Variants in TENM3 observed in about 807,000 individuals in gnomAD.
The protein encoded by TENM3 is teneurin transmembrane protein 3.
In TENM3, 63 loss-of-function variants were observed where a neutral mutation model predicts 255.1. That is an observed-to-expected ratio of 0.25 (90% CI 0.20 to 0.30). TENM3 has a LOEUF of 0.30. Ranked by LOEUF, TENM3 falls within the 10% of genes least tolerant of loss-of-function variation. The probability of loss-of-function intolerance (pLI) is 1.00; values close to 1 mark genes in which losing one functional copy is unlikely to be tolerated. For synonymous variants in TENM3, 1,306 were observed against 1,322.3 expected, an observed-to-expected ratio of 0.99 and a Z score of 0.27; for missense variants, 2,929 against 3,461.1, an observed-to-expected ratio of 0.85 and a Z score of 3.86.
intron 24 of TENM3, among the ~76,000 whole-genome samples, chr4:182,779,659 G>C (rs1418114299): frequency 6.6e-6 from 1 of 152,008 alleles, no homozygotes; most frequent in Non-Finnish European, 1.5e-5. Context: ...GGTTGAACTA[G>C]TTTACAGTCC....
At chr4:181,479,528 C>T in the TENM3 span, among the ~76,000 whole-genome samples, 891 of 152,214 alleles carry the variant, frequency 5.9e-3, 6 homozygotes, top group Middle Eastern at 0.01. Context: ...GCCCTCCTGT[C>T]TTCCTTTCTC....
At chr4:182,678,217 T>G (rs1044636411) in intron 7 of TENM3, among the ~76,000 whole-genome samples, 3 of 152,156 alleles carry the variant, frequency 2.0e-5, no homozygotes, top group Non-Finnish European at 2.9e-5. Flanking sequence ...TTCCCTGTAT[T>G]ATTTCTAGTT....
the TENM3 span, among the ~76,000 whole-genome samples, chr4:181,837,423 C>T: frequency 6.6e-6 from 1 of 151,922 alleles, no homozygotes; most frequent in South Asian, 2.1e-4. Flanking sequence ...GCTTTTTTCA[C>T]ATTTATTAAG....
chr4:181,624,874 C>T, the TENM3 span, among the ~76,000 whole-genome samples: 1 of 152,166 alleles, frequency 6.6e-6, no homozygotes, highest in Admixed American at 6.5e-5. Flanking sequence ...TGGGCTCACT[C>T]ACCTCTCTGG....
chr4:181,751,081 C>T, the TENM3 span, among the ~76,000 whole-genome samples: 31 of 152,290 alleles, frequency 2.0e-4, no homozygotes, highest in African/African-American at 7.2e-4. Flanking sequence ...TTCAGCTACT[C>T]ATACCACACA....
At chr4:181,663,483 A>G in the TENM3 span, among the ~76,000 whole-genome samples, 2 of 152,152 alleles carry the variant, frequency 1.3e-5, no homozygotes, top group Non-Finnish European at 2.9e-5. Flanking sequence ...GCTCATTCTC[A>G]TCAATGACCT....
At chr4:181,602,178 A>G in the TENM3 span, among the ~76,000 whole-genome samples, 11 of 152,226 alleles carry the variant, frequency 7.2e-5, no homozygotes, top group Non-Finnish European at 1.2e-4. Flanking sequence ...GCTGAGCAGG[A>G]AAATATATAA....
At chr4:182,397,003 TC>T in intron 3 of TENM3, among the ~76,000 whole-genome samples, 1 of 151,218 alleles carries the variant, frequency 6.6e-6, no homozygotes. Flanking sequence ...AAAATAAATC[TC>T]CCACTCAATA....
At chr4:181,545,861 T>C in the TENM3 span, among the ~76,000 whole-genome samples, 3 of 143,260 alleles carry the variant, frequency 2.1e-5, no homozygotes, top group South Asian at 2.4e-4. Context: ...AAGAAATATA[T>C]GTTTTCATGC....
chr4:181,821,139 T>C, the TENM3 span, among the ~76,000 whole-genome samples: 1 of 152,162 alleles, frequency 6.6e-6, no homozygotes, highest in Non-Finnish European at 1.5e-5. Context: ...CACCTTCTCA[T>C]TTTGCATGCT....
At chr4:182,430,748 C>T (rs889731736) in intron 3 of TENM3, among the ~76,000 whole-genome samples, 1 of 152,138 alleles carries the variant, frequency 6.6e-6, no homozygotes, top group Non-Finnish European at 1.5e-5. Context: ...CGTGGTGGCT[C>T]ACGCCTGTAA....
the TENM3 span, among the ~76,000 whole-genome samples, chr4:181,646,979 T>A: frequency 6.6e-6 from 1 of 152,216 alleles, no homozygotes; most frequent in African/African-American, 2.4e-5. Context: ...CTCATTATTT[T>A]AAAATGACGC....
chr4:181,847,948 G>A, the TENM3 span, among the ~76,000 whole-genome samples: 5 of 152,012 alleles, frequency 3.3e-5, no homozygotes, highest in South Asian at 4.1e-4. Context: ...TCACAATGTC[G>A]GTCCTTGTTT....
the TENM3 span, among the ~76,000 whole-genome samples, chr4:181,682,420 T>C: frequency 6.6e-6 from 1 of 152,176 alleles, no homozygotes; most frequent in Non-Finnish European, 1.5e-5. Flanking sequence ...AAAAAGCAGT[T>C]GTTTCACCAG....
At chr4:181,557,467 T>C in the TENM3 span, among the ~76,000 whole-genome samples, 1 of 152,328 alleles carries the variant, frequency 6.6e-6, no homozygotes, top group South Asian at 2.1e-4. Flanking sequence ...TAAATTTTAT[T>C]GAAGTTACTT....
the TENM3 span, among the ~76,000 whole-genome samples, chr4:181,716,125 G>A: frequency 4.6e-5 from 7 of 152,146 alleles, no homozygotes; most frequent in Non-Finnish European, 1.0e-4. Flanking sequence ...AAAATGTACT[G>A]ATTTTAAGAG....
At chr4:181,464,474 T>A in the TENM3 span, among the ~76,000 whole-genome samples, 5 of 152,204 alleles carry the variant, frequency 3.3e-5, no homozygotes, top group Admixed American at 3.3e-4. Flanking sequence ...TTTAAACTCT[T>A]GACCCAATTT....
chr4:181,546,730 G>A, the TENM3 span, among the ~76,000 whole-genome samples: 7,431 of 52,800 alleles, frequency 0.14, 738 homozygotes, highest in African/African-American at 0.4. Context: ...AAAAAAAAAA[G>A]AAGAAGAAGA....
the TENM3 span, among the ~76,000 whole-genome samples, chr4:181,563,539 A>T: frequency 6.6e-6 from 1 of 152,188 alleles, no homozygotes; most frequent in Non-Finnish European, 1.5e-5. Context: ...GAGTAATTCA[A>T]CCTGAAAAAC....
Sources: allele counts gnomAD v4.1 joint callset (sites outside exome capture counted in the v4.1 genomes callset), GRCh38; gene constraint gnomAD v4.1.1; transcripts MANE v1.5; gene names NCBI Gene and HGNC (gene_info 2026-07-23, HGNC 2026-07-21).